Variants in MACO1 observed in about 807,000 individuals in gnomAD.
MACO1 encodes macoilin.
In MACO1, 14 loss-of-function variants were observed where a neutral mutation model predicts 78.7. That is an observed-to-expected ratio of 0.18 (90% CI 0.12 to 0.28). The LOEUF (loss-of-function observed/expected upper bound fraction) is 0.28, where lower values mean the gene tolerates loss of function less well. Ranked by LOEUF, MACO1 falls within the 10% of genes least tolerant of loss-of-function variation. The pLI, the probability that MACO1 is intolerant of heterozygous loss-of-function variation, is 1.00. For synonymous variants in MACO1, 288 were observed against 291.6 expected, an observed-to-expected ratio of 0.99 and a Z score of 0.12; for missense variants, 501 against 799.0, an observed-to-expected ratio of 0.63 and a Z score of 4.50.
At position 25,431,114 on chromosome 1, in the gene MACO1, G is replaced by GC; in HGVS notation, c.18dup (p.Asp7ArgfsTer4). 1 of 1,594,240 alleles carries GC rather than the reference G, an allele frequency of 6.3e-7. No individual in the cohort carries two copies. The highest frequency in any genetic ancestry group is 8.5e-7 in the Non-Finnish European group (1 of 1,172,926). On this transcript the variant is annotated frameshift_variant, in exon 1 of 11. Coordinates refer to ENST00000374343, the MANE Select transcript of MACO1 (RefSeq NM_018202.6). LOFTEE classifies it high-confidence loss of function. ...CAGCGGGAGGATGAAGCGGCGGAAC[G>GC]CCGACTGCAGTAAGCTCCGCCGCCC... is the stretch of plus-strand genomic sequence containing the variant.
intron 1 of MACO1, among the ~76,000 whole-genome samples, chr1:25,438,938 T>G (rs1034031559): frequency 5.3e-5 from 8 of 151,098 alleles, no homozygotes; most frequent in Non-Finnish European, 8.9e-5. Flanking sequence ...AAAAAAGAAG[T>G]GGACATGTCA....
chr1:25,469,793 T>C (rs1359137440), intron 6 of MACO1, among the ~76,000 whole-genome samples: 2 of 151,960 alleles, frequency 1.3e-5, no homozygotes, highest in Non-Finnish European at 2.9e-5. Context: ...TGCGCCACCA[T>C]GCCTGGCTAA....
At chr1:25,431,815 G>A (rs957173839) in intron 1 of MACO1, among the ~76,000 whole-genome samples, 1 of 152,208 alleles carries the variant, frequency 6.6e-6, no homozygotes, top group Non-Finnish European at 1.5e-5. Context: ...CTCCAGATTC[G>A]GAAGGGTCTG....
intron 6 of MACO1, among the ~76,000 whole-genome samples, chr1:25,464,667 C>T (rs1047831292): frequency 9.8e-6 from 1 of 102,382 alleles, no homozygotes; most frequent in Non-Finnish European, 2.3e-5. Context: ...CCCACCCCCC[C>T]CCTCCGCGAA....
chr1:25,472,897 ATG>A (rs1373055343), intron 6 of MACO1, among the ~76,000 whole-genome samples: 1 of 152,226 alleles, frequency 6.6e-6, no homozygotes, highest in Non-Finnish European at 1.5e-5. Context: ...TATAATAAAA[ATG>A]TATGAAATTT....
At chr1:25,467,435 T>G (rs2043229538) in intron 6 of MACO1, among the ~76,000 whole-genome samples, 1 of 152,198 alleles carries the variant, frequency 6.6e-6, no homozygotes, top group Non-Finnish European at 1.5e-5. Flanking sequence ...CAATTGTTAC[T>G]TCTTTCAGTT....
At chr1:25,493,767 C>G (rs2043509987) in intron 10 of MACO1, among the ~76,000 whole-genome samples, 1 of 117,962 alleles carries the variant, frequency 8.5e-6, no homozygotes, top group African/African-American at 3.4e-5. Context: ...GAGTCTTGCT[C>G]TGTCACCCAG....
In MACO1 at chr1:25,430,939, C is replaced by A. The variant is rs1005765197; in HGVS notation, c.-160C>A. The stretch of plus-strand genomic sequence containing the variant: ...GAAGGCGGAGGAGGCTCCGAGCCCC[C>A]CCTCCCCGTGCTACCCCCTCCCCCC... On this transcript the variant is annotated 5_prime_UTR_variant, in exon 1 of 11. Coordinates refer to ENST00000374343, the MANE Select transcript of MACO1 (RefSeq NM_018202.6). The A allele has an allele frequency of 1.5e-5, 7 of 472,102 alleles. No homozygotes were observed. The highest frequency in any genetic ancestry group is 4.2e-5 in the African/African-American group (2 of 47,890). The allele number at this position is 472,102 out of a possible 1,614,324, so 29.2% of individuals were successfully genotyped here.
chr1:25,460,385 A>G (rs1298074088), intron 6 of MACO1, among the ~76,000 whole-genome samples: 1 of 151,800 alleles, frequency 6.6e-6, no homozygotes, highest in Non-Finnish European at 1.5e-5. Context: ...ACAGCTATTT[A>G]CCATCCTTTC....
intron 1 of MACO1, among the ~76,000 whole-genome samples, chr1:25,438,182 G>A (rs2042936141): frequency 2.0e-5 from 3 of 152,188 alleles, no homozygotes; most frequent in Admixed American, 6.5e-5. Flanking sequence ...TTTTAACAGT[G>A]TGGAGTCTAT....
At chr1:25,482,449 G>A (rs1011466255) in intron 6 of MACO1, among the ~76,000 whole-genome samples, 1 of 152,064 alleles carries the variant, frequency 6.6e-6, no homozygotes, top group African/African-American at 2.4e-5. Context: ...TCTCTCCCCA[G>A]TACAAGCTTT....
chr1:25,447,586 C>T (rs1337465471), intron 2 of MACO1, among the ~76,000 whole-genome samples: 1 of 152,094 alleles, frequency 6.6e-6, no homozygotes, highest in Non-Finnish European at 1.5e-5. Flanking sequence ...ATATTTGGCT[C>T]AATGGAAGAC....
In MACO1 at chr1:25,491,520, G is replaced by A. The variant is rs762489445; in HGVS notation, c.1728G>A (p.Thr576=). ...TGGAGAACAGCTTAAGTGCAGAGAC[G>A]AGAATCAAGCTGGACCTGTTCTCCG... ...QHLENSLSAE[T]RIKLDLFSAL... The change falls in exon 10 of 11, where the codon ACG becomes ACA. Residue 576 remains threonine, a synonymous_variant. Transcript: ENST00000374343. 9 of 1,614,252 alleles carry A rather than the reference G, an allele frequency of 5.6e-6. No homozygotes were observed. The highest frequency in any genetic ancestry group is 5.5e-5 in the South Asian group (5 of 91,084).
chr1:25,491,655 C>A (rs2043486960), intron 10 of MACO1, 71 bp downstream of exon 10: 5 of 1,368,642 alleles, frequency 3.7e-6, no homozygotes, highest in Non-Finnish European at 5.1e-6. Context: ...CCAGACCTCT[C>A]CTGAGAGCTC....
chr1:25,437,698 T>C (rs929582238), intron 1 of MACO1, among the ~76,000 whole-genome samples: 2 of 152,138 alleles, frequency 1.3e-5, no homozygotes, highest in Non-Finnish European at 2.9e-5. Flanking sequence ...GGCAAGAGGA[T>C]TGCTTGAGTC....
At chr1:25,477,245 C>T (rs186176338) in intron 6 of MACO1, among the ~76,000 whole-genome samples, 7 of 152,272 alleles carry the variant, frequency 4.6e-5, no homozygotes, top group Non-Finnish European at 1.0e-4. Context: ...TTAACTGAGC[C>T]TTGAAGAATG....
Position 25,488,891 on chromosome 1 carries a change from C to T in MACO1, c.1497-282C>T, listed in dbSNP as rs150776044. Among the ~76,000 whole-genome samples the T allele has an allele frequency of 7.9e-5, 12 of 152,278 alleles. No homozygotes were observed. The East Asian group carries it at 1.9e-3, about 24-fold the overall frequency. On this transcript the variant is annotated intron_variant, in intron 8 of 10. Coordinates refer to ENST00000374343, the MANE Select transcript of MACO1 (RefSeq NM_018202.6). ...GGAGTGCAGTGGCACGATCTGGACT[C>T]GCTGCAACCTCCACCTCCTGGGTTC...
At chr1:25,452,893 C>T (rs1236627057) in intron 3 of MACO1, among the ~76,000 whole-genome samples, 1 of 151,878 alleles carries the variant, frequency 6.6e-6, no homozygotes, top group East Asian at 1.9e-4. Context: ...GATGGGGTTT[C>T]ACCATGTTAG....
At chr1:25,435,311 C>G (rs1434178447) in intron 1 of MACO1, among the ~76,000 whole-genome samples, 1 of 152,044 alleles carries the variant, frequency 6.6e-6, no homozygotes, top group Non-Finnish European at 1.5e-5. Context: ...ATTTTTGCAG[C>G]TTAATGCCTT....
Sources: allele counts gnomAD v4.1 joint callset (sites outside exome capture counted in the v4.1 genomes callset), GRCh38; gene constraint gnomAD v4.1.1; transcripts MANE v1.5; gene names NCBI Gene and HGNC (gene_info 2026-07-23, HGNC 2026-07-21).